The following ZNF26 variants were observed in gnomAD, a reference collection of about 807,000 sequenced individuals.
ZNF26 encodes the protein zinc finger protein 26.
A neutral mutation model predicts 54.9 loss-of-function variants in ZNF26; 32 were observed. The observed-to-expected ratio is 0.58, with a 90% CI of 0.44 to 0.78. ZNF26 has a LOEUF of 0.78. Among genes scored for constraint, ZNF26 ranks in the 30% least tolerant of loss-of-function variants. The pLI is 0.00. For missense variants in ZNF26, 524 were observed against 634.0 expected (o/e 0.83, Z 1.86); for synonymous variants, 221 against 209.2 (o/e 1.06, Z -0.49).
chr12:132,990,341 A>G (rs956389276), intron 1 of ZNF26, among the ~76,000 whole-genome samples: 14 of 152,220 alleles, frequency 9.2e-5, no homozygotes, highest in African/African-American at 3.4e-4. Context: ...TTCTTTAGTC[A>G]TTTGATACGA....
intron 1 of ZNF26, among the ~76,000 whole-genome samples, chr12:133,004,023 T>C (rs115179731): frequency 0.053 from 8,082 of 152,264 alleles, 714 homozygotes; most frequent in African/African-American, 0.18. Context: ...TTTCTTCATT[T>C]CTTTATTTTC....
rs1010441893 is a variant in ZNF26 at position 132,991,972 on chromosome 12, A to T, written c.33+5099A>T. Among the ~76,000 whole-genome samples the T allele has an allele frequency of 3.8e-4, 57 of 151,980 alleles. 1 individual carries two copies. The highest frequency in any genetic ancestry group is 3.1e-3 in the South Asian group (15 of 4,796). Reference sequence around the variant, plus strand: ...AGACCAGCCTGGCCAACATGGTGAAACCCTGTCTCTACTACAAATACAAAA... The same window carrying T: ...AGACCAGCCTGGCCAACATGGTGAATCCCTGTCTCTACTACAAATACAAAA... On this transcript the variant is annotated intron_variant, in intron 1 of 3. Coordinates refer to ENST00000328654, the MANE Select transcript of ZNF26 (RefSeq NM_019591.4).
chr12:132,995,415 G>T (rs1455334320), intron 1 of ZNF26: 5 of 148,290 alleles, frequency 3.4e-5, no homozygotes, highest in Non-Finnish European at 6.0e-5. Context: ...TTTAATTCCA[G>T]TTCTCCTTTT....
rs904243594 is a variant in ZNF26 at position 132,986,680 on chromosome 12, G to T, written c.-161G>T. ...GTCACGCGCGGTCTGTGTTGGGCGA[G>T]AGCTGAGGAGCCGGCGTCCCTGCCA... is the stretch of plus-strand genomic sequence containing the variant. On this transcript the variant is annotated 5_prime_UTR_variant, in exon 1 of 4. Transcript: ENST00000328654. 1,602 of 683,590 alleles carry T rather than the reference G, an allele frequency of 2.3e-3. 15 individuals carry two copies. In the African/African-American group the frequency reaches 0.026, roughly 11 times the overall value. The allele number at this position is 683,590 out of a possible 1,614,324, so 42.3% of individuals were successfully genotyped here. A position where few individuals can be genotyped will look rare whatever the true frequency, so the allele number is the denominator to read the frequency against.
At chr12:132,991,920 G>A (rs1234839481) in intron 1 of ZNF26, among the ~76,000 whole-genome samples, 2 of 152,234 alleles carry the variant, frequency 1.3e-5, no homozygotes, top group East Asian at 1.9e-4. Flanking sequence ...GGCTGAGGCC[G>A]GCGGGTCATT....
chr12:133,009,733 T>C (rs1953428433), intron 3 of ZNF26, among the ~76,000 whole-genome samples: 2 of 152,200 alleles, frequency 1.3e-5, no homozygotes, highest in African/African-American at 4.8e-5. Context: ...GTCAGGCTTC[T>C]TCCTCAGGAA....
rs1953565115 is a variant in ZNF26, at chr12:133,016,273, A to G, written c.*4792A>G. On this transcript the variant is annotated 3_prime_UTR_variant, in exon 4 of 4. Transcript: ENST00000328654. ...TTTTTAGTAGAGATGGGGTTTCACC[A>G]TTTTGGCCAGGATGGTCTCAAACTC... is the stretch of plus-strand genomic sequence containing the variant. 6.6e-6 allele frequency: 1 copy of G among 151,694 alleles called. No individual in the cohort carries two copies. Among genetic ancestry groups the G allele is most frequent in the Non-Finnish European group, 1.5e-5 (1 of 67,978 alleles). 9.4% of individuals were successfully genotyped at this position (151,694 alleles called of 1,614,324 possible). A position where few individuals can be genotyped will look rare whatever the true frequency, so the allele number is the denominator to read the frequency against.
Position 133,016,700 on chromosome 12 carries a change from G to C in ZNF26, c.*5219G>C, listed in dbSNP as rs1447618548. On this transcript the variant is annotated 3_prime_UTR_variant, in exon 4 of 4. Transcript: ENST00000328654. ...GGAGGCTGAGGCAGGAGGATTGCTTGAGCCCAGGAGGTTGAAGCTGCAGTA... is the reference window on the plus strand; with the variant it reads ...GGAGGCTGAGGCAGGAGGATTGCTTCAGCCCAGGAGGTTGAAGCTGCAGTA... 6.6e-6 allele frequency: 1 copy of C among 151,728 alleles called. No individual in the cohort carries two copies. Among genetic ancestry groups the C allele is most frequent in the African/African-American group, 2.4e-5 (1 of 41,268 alleles). 9.4% of individuals were successfully genotyped at this position (151,728 alleles called of 1,614,324 possible).
At chr12:132,993,475 A>T (rs912953412) in intron 1 of ZNF26, among the ~76,000 whole-genome samples, 48 of 143,012 alleles carry the variant, frequency 3.4e-4, no homozygotes, top group Non-Finnish European at 5.4e-4. Flanking sequence ...TTTTGTTTTT[A>T]TTTTTTTTTT....
chr12:132,991,699 A>T (rs912452141), intron 1 of ZNF26, among the ~76,000 whole-genome samples: 28 of 151,470 alleles, frequency 1.8e-4, no homozygotes, highest in African/African-American at 6.8e-4. Context: ...GCTACTTGGG[A>T]GGTGAGATGG....
chr12:132,991,637 A>C (rs1259175406), intron 1 of ZNF26, among the ~76,000 whole-genome samples: 1 of 46,344 alleles, frequency 2.2e-5, no homozygotes, highest in East Asian at 1.0e-3. Context: ...CAACAAAAAA[A>C]AAAAAAACCT....
rs1022227876 is a variant in ZNF26 at position 133,025,119 on chromosome 12, C to T, written c.*13638C>T. The T allele has an allele frequency of 9.2e-5, 14 of 152,162 alleles. No individual in the cohort carries two copies. The highest frequency in any genetic ancestry group is 1.8e-4 in the Non-Finnish European group (12 of 68,034). The allele number at this position is 152,162 out of a possible 1,614,324, so 9.4% of individuals were successfully genotyped here. A position where few individuals can be genotyped will look rare whatever the true frequency, so the allele number is the denominator to read the frequency against. On this transcript the variant is annotated 3_prime_UTR_variant, in exon 4 of 4. Coordinates refer to ENST00000328654, the MANE Select transcript of ZNF26 (RefSeq NM_019591.4). ...AAGTCCAAGAAAGCAGAACCAAACC[C>T]TAATCACCGAACTGGTAATGGGTAC...
chr12:132,990,478 CTATATT>C (rs1952924467), intron 1 of ZNF26, among the ~76,000 whole-genome samples: 1 of 152,042 alleles, frequency 6.6e-6, no homozygotes, highest in African/African-American at 2.4e-5. Context: ...ATTTTTGTAT[CTATATT>C]TATGAGATAA....
chr12:133,004,024 C>A (rs1953274677), intron 1 of ZNF26, among the ~76,000 whole-genome samples: 1 of 152,088 alleles, frequency 6.6e-6, no homozygotes, highest in Non-Finnish European at 1.5e-5. Flanking sequence ...TTCTTCATTT[C>A]TTTATTTTCT....
chr12:132,987,723 G>A (rs1433099945), intron 1 of ZNF26: 5 of 985,322 alleles, frequency 5.1e-6, no homozygotes, highest in South Asian at 4.7e-5. Context: ...TATTGTATTC[G>A]TGGAAGCTCA....
At chr12:132,997,273 A>G (rs1953108022) in intron 1 of ZNF26, among the ~76,000 whole-genome samples, 1 of 151,208 alleles carries the variant, frequency 6.6e-6, no homozygotes, top group Admixed American at 6.6e-5. Flanking sequence ...CTCACATGGT[A>G]GATTAGTTTC....
In ZNF26 at chr12:133,015,432, C is replaced by T. The variant is rs1049316217; in HGVS notation, c.*3951C>T. 1.3e-5 allele frequency: 2 copies of T among 151,120 alleles called. No individual in the cohort carries two copies. Among genetic ancestry groups the T allele is most frequent in the Admixed American group, 6.6e-5 (1 of 15,162 alleles). The allele number at this position is 151,120 out of a possible 1,614,324, so 9.4% of individuals were successfully genotyped here. A position where few individuals can be genotyped will look rare whatever the true frequency, so the allele number is the denominator to read the frequency against. On this transcript the variant is annotated 3_prime_UTR_variant, in exon 4 of 4. Transcript: ENST00000328654. ...ACACAATCCTAACTGTGGCATGTATCTATGTCTTCACTTGCATCGGCCTCA... is the reference window on the plus strand; with the variant it reads ...ACACAATCCTAACTGTGGCATGTATTTATGTCTTCACTTGCATCGGCCTCA...
At position 133,010,358 on chromosome 12, in the gene ZNF26, A is replaced by G. The variant is rs1325339351; in HGVS notation, c.479A>G (p.Tyr160Cys). 1.2e-6 allele frequency: 2 copies of G among 1,613,748 alleles called. No homozygotes were observed. The highest frequency in any genetic ancestry group is 2.7e-5 in the African/African-American group (2 of 74,888). The change falls in exon 4 of 4, where the codon TAT becomes TGT. Residue 160 changes from tyrosine (Y) to cysteine (C), a missense_variant. Tyr to Cys is a radical substitution (Grantham distance 194). Transcript: ENST00000328654. The stretch of plus-strand genomic sequence containing the variant: ...AAGTTTCATGGTTATGAAGAACCAT[A>G]TTTTCTTAAGCATCAAAGAGCTCAT... The part of the protein sequence containing the change: ...PDKFHGYEEP[Y>C]FLKHQRAHSI...
rs373802617 is a variant in ZNF26, at chr12:132,994,564, G to C, written c.33+7691G>C. ...TAGATATTCTTCTAGGTCTTTCCCT[G>C]TACATTTTTAATGCATATGTTTATA... On this transcript the variant is annotated intron_variant, in intron 1 of 3. Coordinates refer to ENST00000328654, the MANE Select transcript of ZNF26 (RefSeq NM_019591.4). 1.2e-4 allele frequency among the ~76,000 whole-genome samples: 19 copies of C among 152,204 alleles called. No individual in the cohort carries two copies. In the East Asian group the frequency reaches 3.5e-3, roughly 28 times the overall value.
Sources: allele counts gnomAD v4.1 joint callset (sites outside exome capture counted in the v4.1 genomes callset), GRCh38; gene constraint gnomAD v4.1.1; transcripts MANE v1.5; gene names NCBI Gene and HGNC (gene_info 2026-07-23, HGNC 2026-07-21).